The following NOX4 variants were observed in gnomAD, a reference collection of about 807,000 sequenced individuals.
The protein encoded by NOX4 is kidney oxidase-1.
In NOX4, 69 loss-of-function variants were observed where a neutral mutation model predicts 87.6. The observed-to-expected ratio is 0.79, with a 90% CI of 0.65 to 0.96. NOX4 has a LOEUF of 0.96. NOX4 is among the 40% of genes least tolerant of loss of function. The pLI is 0.00. For missense variants in NOX4, 680 were observed against 681.5 expected, an observed-to-expected ratio of 1.00 and a Z score of 0.02; for synonymous variants, 275 against 238.2, an observed-to-expected ratio of 1.15 and a Z score of -1.42.
intron 2 of NOX4, among the ~76,000 whole-genome samples, chr11:89,477,687 CT>C (rs1328199985): frequency 6.6e-6 from 1 of 151,938 alleles, no homozygotes; most frequent in Non-Finnish European, 1.5e-5. Flanking sequence ...GTTTTTAAAA[CT>C]TTTTTGTTTT....
intron 2 of NOX4, among the ~76,000 whole-genome samples, chr11:89,452,338 C>T (rs1591293351): frequency 6.6e-6 from 1 of 152,256 alleles, no homozygotes; most frequent in Admixed American, 6.5e-5. Context: ...CTCTCAGTCT[C>T]CACACAACCC....
chr11:89,332,975 C>G (rs2135367882), intron 17 of NOX4, among the ~76,000 whole-genome samples: 1 of 151,956 alleles, frequency 6.6e-6, no homozygotes, highest in Non-Finnish European at 1.5e-5. Context: ...TAAATTAATT[C>G]TGACTTTTAG....
intron 8 of NOX4, among the ~76,000 whole-genome samples, chr11:89,416,116 G>T (rs949805424): frequency 3.3e-5 from 5 of 152,046 alleles, no homozygotes; most frequent in African/African-American, 1.2e-4. Context: ...TGTATGACCT[G>T]GTTTTTCTAT....
chr11:89,345,126 T>G (rs1276429981), intron 13 of NOX4, among the ~76,000 whole-genome samples: 1 of 152,172 alleles, frequency 6.6e-6, no homozygotes, highest in Non-Finnish European at 1.5e-5. Context: ...CTTTCAAATT[T>G]TACTGTGTAT....
At chr11:89,560,493 G>C in the NOX4 span, among the ~76,000 whole-genome samples, 3 of 152,076 alleles carry the variant, frequency 2.0e-5, no homozygotes, top group Non-Finnish European at 4.4e-5. Flanking sequence ...CTGGATTAAG[G>C]AGTACTTAGA....
At position 89,400,245 on chromosome 11, in the gene NOX4, G is replaced by C; in HGVS notation, c.981C>G (p.Val327=). Residue 327 remains valine, a synonymous_variant, in exon 10 of 18, where the codon GTC becomes GTG. Transcript: ENST00000263317. ...CAGGTCTTGCTTTAAAATTTTCTTT[G>C]ACCATTCGGATTTCCATGACATCTG... ...HPSDVMEIRM[V]KENFKARPGQ... The C allele has an allele frequency of 2.5e-6, 4 of 1,612,756 alleles. No homozygotes were observed. The highest frequency in any genetic ancestry group is 3.4e-6 in the Non-Finnish European group (4 of 1,179,258).
chr11:89,468,936 C>T (rs1279210824), intron 2 of NOX4, among the ~76,000 whole-genome samples: 2 of 151,978 alleles, frequency 1.3e-5, no homozygotes, highest in Non-Finnish European at 2.9e-5. Context: ...GTCTATTTTG[C>T]CTAGGCTGAT....
chr11:89,431,607 T>C (rs1319305939), intron 7 of NOX4, among the ~76,000 whole-genome samples: 2 of 152,258 alleles, frequency 1.3e-5, no homozygotes, highest in East Asian at 1.9e-4. Flanking sequence ...AAAATGCTCA[T>C]CATCACTGGC....
chr11:89,504,851 G>A, the NOX4 span, among the ~76,000 whole-genome samples: 1 of 151,884 alleles, frequency 6.6e-6, no homozygotes, highest in Non-Finnish European at 1.5e-5. Flanking sequence ...TTGATACTGT[G>A]CCAAAATTCC....
chr11:89,482,938 T>C (rs575653440), intron 2 of NOX4, among the ~76,000 whole-genome samples: 55 of 152,082 alleles, frequency 3.6e-4, no homozygotes, highest in Non-Finnish European at 7.1e-4. Context: ...ATTGAGAGCA[T>C]GGTGTTCAGT....
intron 7 of NOX4, among the ~76,000 whole-genome samples, chr11:89,430,646 A>G (rs1371431763): frequency 1.3e-5 from 2 of 152,196 alleles, no homozygotes; most frequent in African/African-American, 2.4e-5. Context: ...CCAACTTACA[A>G]GGGATGTGAA....
intron 3 of NOX4, among the ~76,000 whole-genome samples, chr11:89,450,240 C>G (rs1202958971): frequency 1.3e-5 from 2 of 152,166 alleles, no homozygotes; most frequent in Admixed American, 1.3e-4. Context: ...GTTATTTTCA[C>G]AGATTACTGC....
intron 2 of NOX4, among the ~76,000 whole-genome samples, chr11:89,467,774 A>G (rs1380590860): frequency 1.3e-5 from 2 of 152,216 alleles, no homozygotes; most frequent in Non-Finnish European, 1.5e-5. Context: ...AGTCCATAGC[A>G]CAGAATGATT....
intron 17 of NOX4, among the ~76,000 whole-genome samples, chr11:89,330,766 G>A (rs947473310): frequency 1.3e-5 from 2 of 151,852 alleles, no homozygotes; most frequent in Admixed American, 6.6e-5. Context: ...AAGCAATGGT[G>A]AACTGCTAGA....
the NOX4 span, among the ~76,000 whole-genome samples, chr11:89,542,563 A>C: frequency 6.6e-6 from 1 of 152,200 alleles, no homozygotes; most frequent in Admixed American, 6.5e-5. Flanking sequence ...TCCGGAATAC[A>C]AATCCTGTTC....
At position 89,340,261 on chromosome 11, in the gene NOX4, G is replaced by C. The variant is rs551474839; in HGVS notation, c.1338-90C>G. The C allele has an allele frequency of 4.2e-5, 34 of 808,182 alleles. No homozygotes were observed. In the East Asian group the frequency reaches 7.1e-4, roughly 17 times the overall value. The allele number at this position is 808,182 out of a possible 1,614,324, so 50.1% of individuals were successfully genotyped here. A position where few individuals can be genotyped will look rare whatever the true frequency, so the allele number is the denominator to read the frequency against. ...ATTTTTTAAAGTTTCCTTTTCATTAGTAAGCAACCAATAGAAATATCCAAT... is the reference window on the plus strand; with the variant it reads ...ATTTTTTAAAGTTTCCTTTTCATTACTAAGCAACCAATAGAAATATCCAAT... On this transcript the variant is annotated intron_variant, in intron 14 of 17. Transcript: ENST00000263317.
Position 89,373,415 on chromosome 11 carries a change from C to G in NOX4, c.1135+17G>C, listed in dbSNP as rs1319607296. 1.4e-6 allele frequency: 2 copies of G among 1,439,262 alleles called. No homozygotes were observed. Among genetic ancestry groups the G allele is most frequent in the African/African-American group, 2.8e-5 (2 of 70,744 alleles). 89.2% of individuals were successfully genotyped at this position (1,439,262 alleles called of 1,614,324 possible). On this transcript the variant is annotated intron_variant, in intron 12 of 17. Coordinates refer to ENST00000263317, the MANE Select transcript of NOX4 (RefSeq NM_016931.5). ...TATTTTCAAAGAATGTATCTTAAAA[C>G]TGTATGTTCTACATACCTGTCCAGT...
chr11:89,558,166 C>G, the NOX4 span, among the ~76,000 whole-genome samples: 1 of 152,024 alleles, frequency 6.6e-6, no homozygotes, highest in Non-Finnish European at 1.5e-5. Context: ...GAGTCATTTT[C>G]TTGCCAAGCC....
At chr11:89,551,428 C>A in the NOX4 span, among the ~76,000 whole-genome samples, 2 of 152,148 alleles carry the variant, frequency 1.3e-5, no homozygotes, top group African/African-American at 4.8e-5. Flanking sequence ...TTCTTCCTAT[C>A]CATGAGCATG....
Sources: gnomAD v4.1 joint callset for allele counts (sites outside exome capture counted in the v4.1 genomes callset) on GRCh38, gnomAD v4.1.1 for gene constraint, MANE v1.5 for transcripts, NCBI Gene and HGNC (gene_info 2026-07-23, HGNC 2026-07-21) for gene names.